The following BCL11B variants were observed in gnomAD, a reference collection of about 807,000 sequenced individuals.
The protein encoded by BCL11B is BCL11 transcription factor B.
BCL11B carries 8 observed loss-of-function variants against 49.9 expected under a neutral mutation model. That is an observed-to-expected ratio of 0.16 (90% CI 0.09 to 0.29). BCL11B has a LOEUF of 0.29. BCL11B is among the 10% of genes least tolerant of loss of function. BCL11B has a pLI of 1.00. For synonymous variants in BCL11B, 739 were observed against 637.4 expected (o/e 1.16, Z -2.40); for missense variants, 1,006 against 1,351.0 (o/e 0.74, Z 4.00).
intron 3 of BCL11B, among the ~76,000 whole-genome samples, chr14:99,181,865 GCCAA>G (rs1452979491): frequency 1.3e-5 from 2 of 152,174 alleles, no homozygotes; most frequent in Non-Finnish European, 2.9e-5. Context: ...GGTTTCACCG[GCCAA>G]CCACTCAGTC....
chr14:99,224,593 T>C (rs915659671), intron 3 of BCL11B, among the ~76,000 whole-genome samples: 3 of 152,176 alleles, frequency 2.0e-5, no homozygotes, highest in Non-Finnish European at 4.4e-5. Flanking sequence ...CATCTCAGCT[T>C]TCTCCCTCCT....
At chr14:99,201,846 G>A (rs185754357) in intron 3 of BCL11B, among the ~76,000 whole-genome samples, 8 of 152,246 alleles carry the variant, frequency 5.3e-5, no homozygotes, top group East Asian at 3.9e-4. Flanking sequence ...CACTGCTCCC[G>A]GGCTCTATGC....
At chr14:99,199,879 G>C (rs1490084659) in intron 3 of BCL11B, among the ~76,000 whole-genome samples, 1 of 151,634 alleles carries the variant, frequency 6.6e-6, no homozygotes, top group African/African-American at 2.4e-5. Context: ...AAATATATTC[G>C]AACGCTTGTT....
Position 99,171,407 on chromosome 14 carries a change from GTTTGTT to G in BCL11B, c.*2738_*2743del. ...TTAAAAAAATATATTATGGCAGCCT[GTTTGTT>G]TTTGTTTTTTTTTTCTTTTTATTTC... On this transcript the variant is annotated 3_prime_UTR_variant, in exon 4 of 4. Transcript: ENST00000357195. The G allele has an allele frequency of 4.7e-6, 1 of 213,062 alleles. No individual in the cohort carries two copies. The highest frequency in any genetic ancestry group is 1.9e-4 in the South Asian group (1 of 5,328). The allele number at this position is 213,062 out of a possible 1,614,324, so 13.2% of individuals were successfully genotyped here.
At chr14:99,261,177 G>C (rs993445120) in intron 1 of BCL11B, among the ~76,000 whole-genome samples, 1 of 152,160 alleles carries the variant, frequency 6.6e-6, no homozygotes, top group Admixed American at 6.5e-5. Flanking sequence ...GTCACCCCCA[G>C]CCCCAAATTT....
intron 3 of BCL11B, among the ~76,000 whole-genome samples, chr14:99,203,572 C>T (rs1188064607): frequency 1.3e-5 from 2 of 152,194 alleles, no homozygotes; most frequent in Admixed American, 1.3e-4. Context: ...TAAGCATCTA[C>T]TATGTGCTAG....
intron 3 of BCL11B, among the ~76,000 whole-genome samples, chr14:99,220,688 T>TGGTACTAAGTACCACTTAGTGGTACTAAG (rs1171739889): frequency 6.6e-6 from 1 of 152,066 alleles, no homozygotes; most frequent in East Asian, 1.9e-4. Flanking sequence ...AATGTACTTA[T>TGGTACTAAGTACCACTTAGTGGTACTAAG]TGCCACCGAA....
At position 99,268,204 on chromosome 14, in the gene BCL11B, T is replaced by C. The variant is rs374348982; in HGVS notation, c.58+2957A>G. 1.2e-4 allele frequency among the ~76,000 whole-genome samples: 18 copies of C among 150,862 alleles called. No individual in the cohort carries two copies. In the East Asian group the frequency reaches 2.9e-3, roughly 25 times the overall value. On this transcript the variant is annotated intron_variant, in intron 1 of 3. Coordinates refer to ENST00000357195, the MANE Select transcript of BCL11B (RefSeq NM_138576.4). ...CTCTCACTCTTTTTTACCTCACTCC[T>C]CTTGTCCCTGGCCCTGTCTGTAAAT...
rs1267446633 is a variant in BCL11B at position 99,174,676 on chromosome 14, G to A, written c.2160C>T (p.His720=). 5 of 1,577,836 alleles carry A rather than the reference G, an allele frequency of 3.2e-6. No individual in the cohort carries two copies. The highest frequency in any genetic ancestry group is 2.4e-5 in the East Asian group (1 of 41,170). ...QWLVGYAASR[H]FMKDPFLGFT... is the part of the protein sequence containing the mutation. ...AGCCCAGGAAGGGGTCCTTCATGAAGTGCCGCGACGCCGCGTAGCCCACCA... is the reference window on the plus strand; with the variant it reads ...AGCCCAGGAAGGGGTCCTTCATGAAATGCCGCGACGCCGCGTAGCCCACCA... Residue 720 remains histidine (H), a synonymous_variant, in exon 4 of 4, where the codon CAC becomes CAT. Transcript: ENST00000357195.
intron 1 of BCL11B, among the ~76,000 whole-genome samples, chr14:99,266,305 C>G (rs1000802966): frequency 2.0e-5 from 3 of 152,110 alleles, no homozygotes; most frequent in Non-Finnish European, 4.4e-5. Flanking sequence ...CTCGACTGTT[C>G]CCTGGGTCTG....
intron 2 of BCL11B, among the ~76,000 whole-genome samples, chr14:99,250,907 CTT>C (rs372533006): frequency 6.6e-6 from 1 of 151,636 alleles, no homozygotes; most frequent in African/African-American, 2.4e-5. Flanking sequence ...TATTGTCTGT[CTT>C]TTTTTTAATC....
chr14:99,244,159 G>A (rs1175803562), intron 2 of BCL11B, among the ~76,000 whole-genome samples: 4 of 152,208 alleles, frequency 2.6e-5, no homozygotes, highest in Middle Eastern at 3.4e-3. Context: ...GAGAAATCAC[G>A]CGTAATTCTG....
intron 2 of BCL11B, among the ~76,000 whole-genome samples, chr14:99,234,199 CG>C (rs1888421788): frequency 6.6e-6 from 1 of 151,826 alleles, no homozygotes; most frequent in Non-Finnish European, 1.5e-5. Context: ...AGAGTTTCTT[CG>C]GGGGGTGATG....
chr14:99,182,029 C>T lies in BCL11B; in HGVS notation c.641-5834G>A, dbSNP rs572572684. On this transcript the variant is annotated intron_variant, in intron 3 of 3. Transcript: ENST00000357195. ...CAGAAAGGAGATGTCCATTGGGCACCGCAGGGATCTATTTAAGTTTCGTGT... is the reference window on the plus strand; with the variant it reads ...CAGAAAGGAGATGTCCATTGGGCACTGCAGGGATCTATTTAAGTTTCGTGT... 5.3e-5 allele frequency among the ~76,000 whole-genome samples: 8 copies of T among 152,188 alleles called. No homozygotes were observed. In the East Asian group the frequency reaches 1.4e-3, roughly 26 times the overall value.
chr14:99,237,853 G>A (rs1019012157), intron 2 of BCL11B, among the ~76,000 whole-genome samples: 1 of 152,150 alleles, frequency 6.6e-6, no homozygotes, highest in Non-Finnish European at 1.5e-5. Context: ...ACATGCAGGT[G>A]AAAGAGCCTG....
intron 2 of BCL11B, among the ~76,000 whole-genome samples, chr14:99,250,876 A>AC (rs1888989596): frequency 6.6e-6 from 1 of 151,082 alleles, no homozygotes; most frequent in Non-Finnish European, 1.5e-5. Context: ...AGAAAAAAAA[A>AC]ACACCCATTT....
intron 3 of BCL11B, among the ~76,000 whole-genome samples, chr14:99,193,564 C>T (rs1887098562): frequency 6.6e-6 from 1 of 152,090 alleles, no homozygotes; most frequent in African/African-American, 2.4e-5. Flanking sequence ...AGGAGAGACC[C>T]TCCTCCCAAT....
intron 2 of BCL11B, among the ~76,000 whole-genome samples, chr14:99,244,133 A>G (rs999935640): frequency 1.5e-4 from 23 of 152,150 alleles, no homozygotes; most frequent in Non-Finnish European, 2.8e-4. Flanking sequence ...TCCAAGCCTT[A>G]GCCCAAACAT....
intron 3 of BCL11B, among the ~76,000 whole-genome samples, chr14:99,190,563 G>A (rs1389813597): frequency 6.6e-6 from 1 of 152,136 alleles, no homozygotes; most frequent in Non-Finnish European, 1.5e-5. Flanking sequence ...TTTTTTTAGT[G>A]AAGTCCCATT....
Sources: allele counts gnomAD v4.1 joint callset (sites outside exome capture counted in the v4.1 genomes callset), GRCh38; gene constraint gnomAD v4.1.1; transcripts MANE v1.5; gene names NCBI Gene and HGNC (gene_info 2026-07-23, HGNC 2026-07-21).